Variants in CNBD2 observed in about 807,000 individuals in gnomAD.
The protein encoded by CNBD2 is cyclic nucleotide binding domain containing 2.
CNBD2 carries 64 observed loss-of-function variants against 63.7 expected under a neutral mutation model. The observed-to-expected ratio is 1.00, with a 90% CI of 0.82 to 1.24. The LOEUF (loss-of-function observed/expected upper bound fraction) is 1.24, where lower values mean the gene tolerates loss of function less well. CNBD2 is among the 50% of genes most tolerant of loss of function. CNBD2 has a pLI of 0.00. For synonymous variants in CNBD2, 229 were observed against 255.4 expected, an observed-to-expected ratio of 0.90 and a Z score of 0.99; for missense variants, 691 against 713.5, an observed-to-expected ratio of 0.97 and a Z score of 0.36.
At chr20:36,000,678 C>A (rs943731872) in intron 8 of CNBD2, among the ~76,000 whole-genome samples, 1 of 152,002 alleles carries the variant, frequency 6.6e-6, no homozygotes, top group Non-Finnish European at 1.5e-5. Context: ...TGTGCCTCAG[C>A]CTCACGAGTA....
intron 8 of CNBD2, among the ~76,000 whole-genome samples, chr20:35,999,597 G>A (rs1036231008): frequency 1.3e-5 from 2 of 151,416 alleles, no homozygotes; most frequent in African/African-American, 4.9e-5. Flanking sequence ...TAGATATTAT[G>A]CTATTGTGAT....
At chr20:35,958,698 A>T (rs892828324), downstream of CNBD2, among the ~76,000 whole-genome samples, 17 of 152,110 alleles carry the variant, frequency 1.1e-4, no homozygotes, top group African/African-American at 4.1e-4. Flanking sequence ...GATTAATGCA[A>T]CTACTACCAC....
chr20:35,971,724 C>G (rs1333803936), intron 1 of CNBD2, among the ~76,000 whole-genome samples: 1 of 152,114 alleles, frequency 6.6e-6, no homozygotes, highest in Non-Finnish European at 1.5e-5. Context: ...CCTAGGGTGC[C>G]TTTTATAGCT....
At chr20:36,007,168 G>A (rs557292294) in intron 8 of CNBD2, among the ~76,000 whole-genome samples, 11 of 150,838 alleles carry the variant, frequency 7.3e-5, no homozygotes, top group Non-Finnish European at 1.6e-4. Context: ...CAGCCTGGGC[G>A]ACAGAGTGAG....
intron 10 of CNBD2, among the ~76,000 whole-genome samples, chr20:36,012,491 T>G (rs1021832810): frequency 3.5e-4 from 48 of 138,462 alleles, no homozygotes; most frequent in African/African-American, 1.3e-3. Context: ...AAAAAAAAAA[T>G]TAATAACAAA....
rs780977953 is a variant in CNBD2 at position 36,030,401 on chromosome 20, A to C, written c.1484A>C (p.Asn495Thr). The C allele has an allele frequency of 1.2e-6, 2 of 1,614,180 alleles. No homozygotes were observed. Among genetic ancestry groups the C allele is most frequent in the South Asian group, 1.1e-5 (1 of 91,082 alleles). ...CQKFLQQNSW[N>T]IFRKDLLQLL... is the part of the protein sequence containing the mutation. ...AAGTTCCTCCAGCAGAACAGCTGGA[A>C]TATCTTTCGGAAGGACCTGTTGCAG... The change falls in exon 12 of 12, where the codon AAT (asparagine) becomes ACT (threonine). Residue 495 changes from asparagine (N) to threonine (T), a missense_variant. Transcript: ENST00000373973.
At chr20:36,010,697 A>T (rs964335421) in intron 9 of CNBD2, among the ~76,000 whole-genome samples, 1 of 151,766 alleles carries the variant, frequency 6.6e-6, no homozygotes, top group Non-Finnish European at 1.5e-5. Context: ...CCAGAAGTGG[A>T]GGTTGCAGTG....
Position 36,012,642 on chromosome 20 carries a change from A to T in CNBD2, c.1269+1385A>T, listed in dbSNP as rs1401313296. Among the ~76,000 whole-genome samples, 5 of 151,588 alleles carry T rather than the reference A, an allele frequency of 3.3e-5. 1 individual carries two copies. Among genetic ancestry groups the T allele is most frequent in the South Asian group, 4.2e-4 (2 of 4,802 alleles). ...GGAGTTCGAGACCAGCCTGACCAAC[A>T]TGGAGAAACCCTGTCTCTACTAAAA... On this transcript the variant is annotated intron_variant, in intron 10 of 11. Coordinates refer to ENST00000373973, the MANE Select transcript of CNBD2 (RefSeq NM_001365709.1).
upstream of CNBD2, chr20:35,954,671 A>C: frequency 8.1e-7 from 1 of 1,229,390 alleles, no homozygotes; most frequent in Non-Finnish European, 1.1e-6. Flanking sequence ...CGCCAGTTCG[A>C]GGAGGAGTCG....
chr20:35,996,508 G>GTTT (rs1275063891), intron 8 of CNBD2, among the ~76,000 whole-genome samples: 7 of 132,196 alleles, frequency 5.3e-5, no homozygotes, highest in African/African-American at 1.1e-4. Flanking sequence ...CTCTCTTTTT[G>GTTT]TTTTTTTTTT....
At chr20:35,990,828 A>G (rs2056736308) in intron 7 of CNBD2, among the ~76,000 whole-genome samples, 1 of 150,392 alleles carries the variant, frequency 6.6e-6, no homozygotes, top group African/African-American at 2.5e-5. Context: ...GTGTGCACCT[A>G]TAGTCCCAGC....
chr20:35,968,885 T>G (rs994565302), intron 1 of CNBD2, 72 bp downstream of exon 1: 83 of 1,231,092 alleles, frequency 6.7e-5, no homozygotes, highest in Admixed American at 3.9e-5. Flanking sequence ...GGAAGGTCGA[T>G]GCAGGTGTAG....
chr20:36,001,194 C>G lies in CNBD2; in HGVS notation c.970+6042C>G, dbSNP rs796750868. Among the ~76,000 whole-genome samples the G allele has an allele frequency of 3.1e-3, 471 of 152,102 alleles. 7 individuals are homozygous for G. In the East Asian group the frequency reaches 0.057, roughly 18 times the overall value. The stretch of plus-strand genomic sequence containing the variant: ...CTCAATGTTTTCCCCACCTTTCCCC[C>G]CTTTCTATTCCACAAAACCGCCATT... On this transcript the variant is annotated intron_variant, in intron 8 of 11. Coordinates refer to ENST00000373973, the MANE Select transcript of CNBD2 (RefSeq NM_001365709.1).
Position 36,000,505 on chromosome 20 carries a change from T to G in CNBD2, c.970+5353T>G, listed in dbSNP as rs1006371940. Among the ~76,000 whole-genome samples, 9 of 152,114 alleles carry G rather than the reference T, an allele frequency of 5.9e-5. 1 individual carries two copies. Among genetic ancestry groups the G allele is most frequent in the Admixed American group, 5.9e-4 (9 of 15,250 alleles). ...GATTACCCTGCCTCAGCCTCCTGAATAGCCGGGACTACAGGCATATGCTAC... is the reference window on the plus strand; with the variant it reads ...GATTACCCTGCCTCAGCCTCCTGAAGAGCCGGGACTACAGGCATATGCTAC... On this transcript the variant is annotated intron_variant, in intron 8 of 11. Transcript: ENST00000373973.
intron 8 of CNBD2, among the ~76,000 whole-genome samples, chr20:36,002,242 C>G (rs2487689): frequency 6.6e-6 from 1 of 151,446 alleles, no homozygotes; most frequent in Non-Finnish European, 1.5e-5. Flanking sequence ...CAAAAAAATA[C>G]GAAAACCAGT....
At position 36,026,504 on chromosome 20, in the gene CNBD2, A is replaced by G. The variant is rs549973716; in HGVS notation, c.1439+2733A>G. 5.9e-5 allele frequency among the ~76,000 whole-genome samples: 9 copies of G among 152,204 alleles called. No individual in the cohort carries two copies. In the South Asian group the frequency reaches 1.9e-3, roughly 32 times the overall value. On this transcript the variant is annotated intron_variant, in intron 11 of 11. Coordinates refer to ENST00000373973, the MANE Select transcript of CNBD2 (RefSeq NM_001365709.1). The stretch of plus-strand genomic sequence containing the variant: ...ACCTTTCAATGGTATCTCACTGCCT[A>G]TAGGATAAAGTCCAAACTCAATGCT...
intron 11 of CNBD2, among the ~76,000 whole-genome samples, chr20:36,024,484 C>T (rs1197265749): frequency 2.7e-5 from 4 of 150,790 alleles, no homozygotes; most frequent in African/African-American, 9.8e-5. Flanking sequence ...CAAAAATTAG[C>T]CAGGCATGGT....
intron 3 of CNBD2, among the ~76,000 whole-genome samples, chr20:35,977,045 G>C (rs2056530431): frequency 6.6e-6 from 1 of 152,160 alleles, no homozygotes; most frequent in African/African-American, 2.4e-5. Flanking sequence ...TGACTCTTCA[G>C]CTCTTCAGGC....
At chr20:36,009,294 C>T (rs979177557) in intron 9 of CNBD2, among the ~76,000 whole-genome samples, 4 of 151,768 alleles carry the variant, frequency 2.6e-5, no homozygotes, top group Admixed American at 6.6e-5. Flanking sequence ...CTCCGCCTCC[C>T]GGGTTCACGC....
Sources: allele counts gnomAD v4.1 joint callset (sites outside exome capture counted in the v4.1 genomes callset), GRCh38; gene constraint gnomAD v4.1.1; transcripts MANE v1.5; gene names NCBI Gene and HGNC (gene_info 2026-07-23, HGNC 2026-07-21).